SYT14: variants seen among roughly 807,000 people sequenced by gnomAD.
SYT14 encodes the protein synaptotagmin 14.
SYT14 carries 32 observed loss-of-function variants against 74.2 expected under a neutral mutation model. The ratio of observed to expected loss-of-function variants is 0.43; its 90% CI spans 0.33 to 0.58. The LOEUF is 0.58. Ranked by LOEUF, SYT14 falls within the 20% of genes least tolerant of loss-of-function variation. The probability of loss-of-function intolerance (pLI) is 0.05; values close to 1 mark genes in which losing one functional copy is unlikely to be tolerated. For synonymous variants in SYT14, 298 were observed against 337.7 expected, an observed-to-expected ratio of 0.88 and a Z score of 1.29; for missense variants, 791 against 981.8, an observed-to-expected ratio of 0.81 and a Z score of 2.60.
intron 2 of SYT14, among the ~76,000 whole-genome samples, chr1:209,982,217 G>A (rs544617369): frequency 1.4e-4 from 21 of 152,038 alleles, no homozygotes; most frequent in South Asian, 4.2e-4. Flanking sequence ...GTGCAGTGGC[G>A]CCATCACAGC....
intron 7 of SYT14, among the ~76,000 whole-genome samples, chr1:210,112,495 T>TTTGCC (rs1421227710): frequency 6.6e-6 from 1 of 151,336 alleles, no homozygotes; most frequent in Non-Finnish European, 1.5e-5. Flanking sequence ...CCAAAAACCA[T>TTTGCC]TTGCCTTGTG....
chr1:210,018,222 C>T (rs2080227874), intron 4 of SYT14, among the ~76,000 whole-genome samples: 1 of 152,192 alleles, frequency 6.6e-6, no homozygotes, highest in Non-Finnish European at 1.5e-5. Context: ...CCATCTCTGC[C>T]TCCCGGGTTC....
chr1:210,111,505 GC>G (rs1383380561), intron 7 of SYT14, among the ~76,000 whole-genome samples: 1 of 151,162 alleles, frequency 6.6e-6, no homozygotes, highest in Non-Finnish European at 1.5e-5. Context: ...TGTTGGGGTG[GC>G]GAACATTTTT....
chr1:210,063,816 C>T (rs1054614596), intron 5 of SYT14, among the ~76,000 whole-genome samples: 3 of 151,734 alleles, frequency 2.0e-5, no homozygotes, highest in African/African-American at 4.8e-5. Context: ...TTCTTCCATT[C>T]TTAAACACTC....
intron 5 of SYT14, among the ~76,000 whole-genome samples, chr1:210,040,218 G>T (rs1313870120): frequency 6.6e-6 from 1 of 152,130 alleles, no homozygotes; most frequent in Non-Finnish European, 1.5e-5. Flanking sequence ...GTCCTTTGCA[G>T]GGACATGGAT....
chr1:210,030,193 G>A (rs576485268), intron 5 of SYT14, among the ~76,000 whole-genome samples: 8 of 152,158 alleles, frequency 5.3e-5, no homozygotes, highest in Middle Eastern at 6.8e-3. Flanking sequence ...CCAGGCTGGA[G>A]TGCAGTGGTG....
intron 7 of SYT14, among the ~76,000 whole-genome samples, chr1:210,131,849 T>C (rs141482260): frequency 2.0e-5 from 3 of 152,128 alleles, no homozygotes; most frequent in African/African-American, 7.2e-5. Flanking sequence ...TAACTCCCTG[T>C]GTTTATTTTC....
At chr1:209,981,375 T>C (rs995942547) in intron 2 of SYT14, among the ~76,000 whole-genome samples, 3 of 152,062 alleles carry the variant, frequency 2.0e-5, no homozygotes, top group Non-Finnish European at 4.4e-5. Flanking sequence ...TCTTTGCATA[T>C]GAAGCTTAGT....
At chr1:210,054,581 G>A (rs925297823) in intron 5 of SYT14, among the ~76,000 whole-genome samples, 10 of 152,020 alleles carry the variant, frequency 6.6e-5, no homozygotes, top group African/African-American at 1.5e-4. Flanking sequence ...ACAGTGATAC[G>A]TAGAAAAGTA....
Position 210,131,373 on chromosome 1 carries a change from CTTA to C in SYT14, c.2035-24344_2035-24342del, listed in dbSNP as rs959190266. ...ATTTTCTCCCTTTTATATGAATAGT[CTTA>C]TTAATATATGTAGAACTTGTTATAA... On this transcript the variant is annotated intron_variant, in intron 7 of 9. Transcript: ENST00000637265. 6.6e-5 allele frequency among the ~76,000 whole-genome samples: 10 copies of C among 151,802 alleles called. No individual in the cohort carries two copies. The South Asian group carries it at 1.2e-3, about 19-fold the overall frequency.
At chr1:210,135,960 C>T (rs2082776860) in intron 7 of SYT14, among the ~76,000 whole-genome samples, 1 of 152,148 alleles carries the variant, frequency 6.6e-6, no homozygotes, top group Admixed American at 6.6e-5. Flanking sequence ...CTGCTTGATT[C>T]CTTCCAGCAC....
chr1:210,106,914 A>G (rs1240060846), intron 7 of SYT14, among the ~76,000 whole-genome samples: 3 of 152,356 alleles, frequency 2.0e-5, no homozygotes, highest in East Asian at 3.9e-4. Context: ...AGACAAGGCA[A>G]GTCCCTTCCA....
chr1:209,991,262 A>G (rs985247677), intron 2 of SYT14, among the ~76,000 whole-genome samples: 1 of 152,216 alleles, frequency 6.6e-6, no homozygotes, highest in Non-Finnish European at 1.5e-5. Context: ...AAATGCAACA[A>G]AAACAAAAGT....
intron 2 of SYT14, among the ~76,000 whole-genome samples, chr1:209,975,330 A>T (rs2079340337): frequency 6.6e-6 from 1 of 152,198 alleles, no homozygotes; most frequent in Non-Finnish European, 1.5e-5. Flanking sequence ...TCAGTATGAT[A>T]CTGGCTGTGG....
At chr1:209,962,912 T>C (rs993347366) in intron 2 of SYT14, among the ~76,000 whole-genome samples, 4 of 152,150 alleles carry the variant, frequency 2.6e-5, no homozygotes, top group Admixed American at 6.5e-5. Context: ...TTTCTTCCTC[T>C]AATGGCTGTA....
chr1:209,946,270 G>A (rs1178766927), intron 1 of SYT14, among the ~76,000 whole-genome samples: 1 of 152,222 alleles, frequency 6.6e-6, no homozygotes, highest in Non-Finnish European at 1.5e-5. Context: ...AGCTAGAAAT[G>A]ATTAATCCTA....
At chr1:210,013,004 T>G (rs1305514402) in intron 2 of SYT14, among the ~76,000 whole-genome samples, 1 of 151,946 alleles carries the variant, frequency 6.6e-6, no homozygotes, top group African/African-American at 2.4e-5. Flanking sequence ...GCCTGGCCTT[T>G]TTTCTAATTC....
At chr1:209,978,202 A>C (rs1308696498) in intron 2 of SYT14, among the ~76,000 whole-genome samples, 1 of 149,192 alleles carries the variant, frequency 6.7e-6, no homozygotes, top group Non-Finnish European at 1.5e-5. Context: ...TCTTCTCTCA[A>C]CTCATCGAAG....
intron 2 of SYT14, among the ~76,000 whole-genome samples, chr1:210,002,733 G>A (rs2079923518): frequency 6.6e-6 from 1 of 151,858 alleles, no homozygotes; most frequent in African/African-American, 2.4e-5. Context: ...GGCCATTTTT[G>A]TTTTATCCTT....
Sources: gnomAD v4.1 joint callset for allele counts (sites outside exome capture counted in the v4.1 genomes callset) on GRCh38, gnomAD v4.1.1 for gene constraint, MANE v1.5 for transcripts, NCBI Gene and HGNC (gene_info 2026-07-23, HGNC 2026-07-21) for gene names.